Variants in ADAMTS3 observed in about 807,000 individuals in gnomAD.
ADAMTS3 encodes ADAM metallopeptidase with thrombospondin type 1 motif 3.
A neutral mutation model predicts 129.0 loss-of-function variants in ADAMTS3; 73 were observed. The ratio of observed to expected loss-of-function variants is 0.57; its 90% CI spans 0.47 to 0.69. The LOEUF is 0.69. ADAMTS3 is among the 30% of genes least tolerant of loss of function. The pLI is 0.00. For synonymous variants in ADAMTS3, 477 were observed against 510.8 expected (o/e 0.93, Z 0.89); for missense variants, 1,457 against 1,514.5 (o/e 0.96, Z 0.63).
chr4:72,298,156 T>C, intron 18 of ADAMTS3, 121 bp downstream of exon 18: 6 of 723,672 alleles, frequency 8.3e-6, no homozygotes, highest in Non-Finnish European at 1.3e-5. Context: ...ATTGATGTTT[T>C]GATGGTTATG....
Position 72,295,670 on chromosome 4 carries a change from C to G in ADAMTS3, c.2707G>C (p.Glu903Gln). The G allele has an allele frequency of 6.2e-7, 1 of 1,612,726 alleles. No individual in the cohort carries two copies. Residue 903 changes from glutamate (E) to glutamine (Q), a missense_variant, in exon 19 of 22, where the codon GAG becomes CAG. By Grantham distance (29) the Glu-to-Gln change is conservative (BLOSUM62 2). Coordinates refer to ENST00000286657, the MANE Select transcript of ADAMTS3 (RefSeq NM_014243.3). ...KPIRRMCNIQ[E>Q]CTHPLWVAEE... is the part of the protein sequence containing the mutation. Reference sequence around the variant, plus strand: ...GATGCTTACAGTGGATGTGTACACTCTTGAATATTGCACATTCGTCTAATA... The same window carrying G: ...GATGCTTACAGTGGATGTGTACACTGTTGAATATTGCACATTCGTCTAATA...
chr4:72,385,504 T>G (rs925081541), intron 4 of ADAMTS3, among the ~76,000 whole-genome samples: 1 of 152,060 alleles, frequency 6.6e-6, no homozygotes, highest in South Asian at 2.1e-4. Flanking sequence ...AATAATTACA[T>G]TAAGTGAAAT....
At chr4:72,402,025 A>C (rs987447839) in intron 4 of ADAMTS3, among the ~76,000 whole-genome samples, 2 of 152,232 alleles carry the variant, frequency 1.3e-5, no homozygotes. Flanking sequence ...AACAGCATCA[A>C]GGTAATATAT....
chr4:72,335,122 G>A (rs947747381), intron 5 of ADAMTS3, among the ~76,000 whole-genome samples: 4 of 152,168 alleles, frequency 2.6e-5, no homozygotes, highest in African/African-American at 4.8e-5. Flanking sequence ...ATTAAGGTTA[G>A]TGATGAAATC....
intron 3 of ADAMTS3, among the ~76,000 whole-genome samples, chr4:72,527,239 C>G: frequency 6.6e-6 from 1 of 152,160 alleles, no homozygotes; most frequent in African/African-American, 2.4e-5. Flanking sequence ...CCTCTTCATC[C>G]TTAAAAGCTC....
At chr4:72,530,339 T>C (rs1720973774) in intron 3 of ADAMTS3, among the ~76,000 whole-genome samples, 1 of 85,292 alleles carries the variant, frequency 1.2e-5, no homozygotes, top group South Asian at 3.9e-4. Flanking sequence ...TAATATAATA[T>C]ATAATATATA....
At chr4:72,525,380 GATAAA>G (rs1720780758) in intron 3 of ADAMTS3, among the ~76,000 whole-genome samples, 1 of 152,002 alleles carries the variant, frequency 6.6e-6, no homozygotes, top group African/African-American at 2.4e-5. Flanking sequence ...TAAAAAATAA[GATAAA>G]ATAAAATCAC....
intron 2 of ADAMTS3, among the ~76,000 whole-genome samples, chr4:72,564,245 G>C (rs1043106275): frequency 6.6e-6 from 1 of 152,088 alleles, no homozygotes; most frequent in Non-Finnish European, 1.5e-5. Flanking sequence ...CTCAGTGGTG[G>C]CTTATGAAAC....
intron 2 of ADAMTS3, among the ~76,000 whole-genome samples, chr4:72,556,573 T>C (rs1006267959): frequency 6.6e-6 from 1 of 151,784 alleles, no homozygotes; most frequent in African/African-American, 2.4e-5. Context: ...TACTTGTGAT[T>C]GATGCATATG....
intron 2 of ADAMTS3, among the ~76,000 whole-genome samples, chr4:72,551,401 A>C (rs1721642868): frequency 6.6e-6 from 1 of 152,188 alleles, no homozygotes; most frequent in Non-Finnish European, 1.5e-5. Context: ...ATTTTTATTC[A>C]AAATATGAAT....
chr4:72,306,565 T>C (rs1403811801), intron 15 of ADAMTS3, among the ~76,000 whole-genome samples: 1 of 152,062 alleles, frequency 6.6e-6, no homozygotes, highest in African/African-American at 2.4e-5. Context: ...TTTAAAGCCT[T>C]CTTTATTCTA....
chr4:72,554,044 A>C (rs761470086), intron 2 of ADAMTS3, among the ~76,000 whole-genome samples: 7 of 152,102 alleles, frequency 4.6e-5, no homozygotes, highest in Non-Finnish European at 1.0e-4. Flanking sequence ...AATGTAAAAA[A>C]ATTTTCTTGT....
At chr4:72,514,620 G>A (rs1291380308) in intron 3 of ADAMTS3, among the ~76,000 whole-genome samples, 1 of 152,068 alleles carries the variant, frequency 6.6e-6, no homozygotes, top group Non-Finnish European at 1.5e-5. Context: ...GACTCATCCT[G>A]TAGTTAGTAT....
At chr4:72,440,011 T>C (rs747113857) in intron 3 of ADAMTS3, among the ~76,000 whole-genome samples, 65 of 151,896 alleles carry the variant, frequency 4.3e-4, no homozygotes, top group Non-Finnish European at 7.7e-4. Context: ...TTTCAAAATA[T>C]ATGCAGAAAA....
intron 3 of ADAMTS3, among the ~76,000 whole-genome samples, chr4:72,459,525 A>G (rs1308485225): frequency 6.6e-6 from 1 of 151,582 alleles, no homozygotes; most frequent in Middle Eastern, 3.2e-3. Flanking sequence ...CCTCTGGGCT[A>G]GTTTTATTTA....
chr4:72,474,107 A>G (rs2109996936), intron 3 of ADAMTS3, among the ~76,000 whole-genome samples: 1 of 152,324 alleles, frequency 6.6e-6, no homozygotes, highest in East Asian at 1.9e-4. Context: ...TTAAAACAGA[A>G]GGTTTAAATA....
intron 5 of ADAMTS3, among the ~76,000 whole-genome samples, chr4:72,336,645 G>A (rs1360034507): frequency 6.6e-6 from 1 of 152,142 alleles, no homozygotes; most frequent in Non-Finnish European, 1.5e-5. Context: ...TGACTCCAGG[G>A]GGAAAACCTG....
intron 15 of ADAMTS3, 113 bp downstream of exon 15, chr4:72,309,284 C>A: frequency 9.8e-7 from 1 of 1,019,716 alleles, no homozygotes; most frequent in Non-Finnish European, 1.4e-6. Context: ...AATAAATCAG[C>A]AGCTAAATTT....
intron 3 of ADAMTS3, among the ~76,000 whole-genome samples, chr4:72,421,680 A>ATATT (rs1722449178): frequency 6.6e-6 from 1 of 152,192 alleles, no homozygotes; most frequent in Admixed American, 6.5e-5. Context: ...GGCTGAAGAG[A>ATATT]TATTACAAGG....
Sources: allele counts gnomAD v4.1 joint callset (sites outside exome capture counted in the v4.1 genomes callset), GRCh38; gene constraint gnomAD v4.1.1; transcripts MANE v1.5; gene names NCBI Gene and HGNC (gene_info 2026-07-23, HGNC 2026-07-21).